The following EPHA6 variants were observed in gnomAD, a reference collection of about 807,000 sequenced individuals.
The protein encoded by EPHA6 is EPH receptor A6, also known as ephrin type-A receptor 6.
Under a neutral mutation model 112.0 loss-of-function variants are expected in EPHA6, and 50 were observed. The ratio of observed to expected loss-of-function variants is 0.45; its 90% confidence interval spans 0.36 to 0.56. The LOEUF is 0.56. Ranked by LOEUF, EPHA6 falls within the 20% of genes least tolerant of loss-of-function variation. The pLI, the probability that EPHA6 is intolerant of heterozygous loss-of-function variation, is 0.00. For synonymous variants in EPHA6, 529 were observed against 490.7 expected, an observed-to-expected ratio of 1.08 and a Z score of -1.03; for missense variants, 1,280 against 1,417.4, an observed-to-expected ratio of 0.90 and a Z score of 1.56.
intron 12 of EPHA6, among the ~76,000 whole-genome samples, chr3:97,603,228 T>C (rs868841680): frequency 9.2e-5 from 14 of 152,102 alleles, no homozygotes; most frequent in Non-Finnish European, 1.6e-4. Flanking sequence ...TTTTCCTATA[T>C]GATAATTTCT....
chr3:97,596,770 T>C (rs920025780), intron 12 of EPHA6, among the ~76,000 whole-genome samples: 1 of 72,666 alleles, frequency 1.4e-5, no homozygotes, highest in Admixed American at 2.0e-4. Flanking sequence ...ATGAAGTAAC[T>C]CATATACATA....
At chr3:96,893,859 G>T (rs896775061) in intron 2 of EPHA6, among the ~76,000 whole-genome samples, 3 of 152,176 alleles carry the variant, frequency 2.0e-5, no homozygotes, top group African/African-American at 7.2e-5. Context: ...AATGATTCAA[G>T]AATTGATGTT....
At chr3:96,910,972 T>C (rs2039186552) in intron 2 of EPHA6, among the ~76,000 whole-genome samples, 1 of 152,110 alleles carries the variant, frequency 6.6e-6, no homozygotes, top group African/African-American at 2.4e-5. Context: ...TGCATTTCTA[T>C]TTTGTGCTTC....
chr3:97,338,505 C>T (rs1326003948), intron 5 of EPHA6, among the ~76,000 whole-genome samples: 5 of 152,114 alleles, frequency 3.3e-5, no homozygotes, highest in Non-Finnish European at 7.4e-5. Flanking sequence ...CAGCTGTGGT[C>T]TTGCTCTGAG....
intron 3 of EPHA6, among the ~76,000 whole-genome samples, chr3:97,061,902 TG>T (rs2046033779): frequency 6.6e-6 from 1 of 152,130 alleles, no homozygotes; most frequent in Non-Finnish European, 1.5e-5. Flanking sequence ...CCAATTTAGT[TG>T]GGGAGGTAGA....
chr3:96,985,609 A>G (rs185288908), intron 2 of EPHA6, among the ~76,000 whole-genome samples: 13 of 152,260 alleles, frequency 8.5e-5, no homozygotes, highest in African/African-American at 3.1e-4. Flanking sequence ...CTGGTAAAAA[A>G]TGTGTGTATT....
At chr3:97,241,207 A>T (rs1218038181) in intron 4 of EPHA6, among the ~76,000 whole-genome samples, 4 of 151,836 alleles carry the variant, frequency 2.6e-5, no homozygotes, top group Non-Finnish European at 4.4e-5. Context: ...GGAAAATAAA[A>T]TTGTAGCATA....
At chr3:97,060,105 G>A (rs1239998160) in intron 3 of EPHA6, among the ~76,000 whole-genome samples, 1 of 151,906 alleles carries the variant, frequency 6.6e-6, no homozygotes, top group Admixed American at 6.6e-5. Flanking sequence ...TGGGTGACAG[G>A]GCAAGACTCC....
intron 5 of EPHA6, among the ~76,000 whole-genome samples, chr3:97,287,235 T>G (rs952026022): frequency 6.6e-6 from 1 of 152,182 alleles, no homozygotes; most frequent in South Asian, 2.1e-4. Context: ...GACTTTAATT[T>G]TTTTCTCTTG....
chr3:97,324,465 C>CTTTCTTTCTTTA (rs1553746392), intron 5 of EPHA6, among the ~76,000 whole-genome samples: 1 of 133,824 alleles, frequency 7.5e-6, no homozygotes, highest in East Asian at 2.1e-4. Flanking sequence ...TTCTTTCTTT[C>CTTTCTTTCTTTA]TTTCTTTTTC....
intron 6 of EPHA6, among the ~76,000 whole-genome samples, chr3:97,413,374 A>G (rs573983551): frequency 7.2e-4 from 109 of 151,708 alleles, no homozygotes; most frequent in Non-Finnish European, 1.3e-3. Context: ...GAACTTAAGT[A>G]TTTACAGGGG....
intron 5 of EPHA6, among the ~76,000 whole-genome samples, chr3:97,320,832 TA>T (rs869060619): frequency 7.2e-6 from 1 of 138,920 alleles, no homozygotes; most frequent in Non-Finnish European, 1.5e-5. Context: ...ATAAAAAAAA[TA>T]AAAAAAAAGG....
intron 12 of EPHA6, among the ~76,000 whole-genome samples, chr3:97,595,434 A>G (rs982238125): frequency 1.3e-5 from 2 of 152,174 alleles, no homozygotes; most frequent in African/African-American, 2.4e-5. Flanking sequence ...ACCTGAGGTC[A>G]GGAGTTAGAG....
intron 5 of EPHA6, among the ~76,000 whole-genome samples, chr3:97,318,915 A>G: frequency 6.6e-6 from 1 of 152,020 alleles, no homozygotes. Flanking sequence ...CAAGTTATTT[A>G]TGTAAAAAAA....
At chr3:97,602,869 G>C (rs1308732618) in intron 12 of EPHA6, among the ~76,000 whole-genome samples, 5 of 151,848 alleles carry the variant, frequency 3.3e-5, no homozygotes, top group Admixed American at 3.3e-4. Flanking sequence ...ATTTAGTTTT[G>C]AACTTCGACA....
intron 10 of EPHA6, among the ~76,000 whole-genome samples, chr3:97,506,380 C>G (rs2092253477): frequency 6.6e-6 from 1 of 152,234 alleles, no homozygotes; most frequent in South Asian, 2.1e-4. Context: ...GGAAGGGGTC[C>G]AGTTTCAGTT....
At chr3:96,989,212 A>G (rs2107852348) in intron 3 of EPHA6, among the ~76,000 whole-genome samples, 1 of 152,260 alleles carries the variant, frequency 6.6e-6, no homozygotes, top group Admixed American at 6.5e-5. Context: ...ATATATGTGA[A>G]GTTTTAAAGG....
intron 3 of EPHA6, among the ~76,000 whole-genome samples, chr3:97,043,884 C>A (rs78679022): frequency 0.024 from 3,588 of 152,260 alleles, 150 homozygotes; most frequent in African/African-American, 0.082. Flanking sequence ...GCCCCAGACC[C>A]TGCCCAAAAG....
chr3:96,853,779 T>G (rs1263175347), intron 1 of EPHA6, among the ~76,000 whole-genome samples: 1 of 151,996 alleles, frequency 6.6e-6, no homozygotes, highest in Non-Finnish European at 1.5e-5. Flanking sequence ...AGTTTATTAT[T>G]GTGGCTTTGT....
Sources: allele counts gnomAD v4.1 joint callset (sites outside exome capture counted in the v4.1 genomes callset), GRCh38; gene constraint gnomAD v4.1.1; transcripts MANE v1.5; gene names NCBI Gene and HGNC (gene_info 2026-07-23, HGNC 2026-07-21).